The following NXPE2 variants were observed in gnomAD, a reference collection of about 807,000 sequenced individuals.
NXPE2 encodes the protein neurexophilin and PC-esterase domain family member 2, also known as NXPE family member 2.
A neutral mutation model predicts 34.4 loss-of-function variants in NXPE2; 34 were observed. The observed-to-expected ratio is 0.99, with a 90% CI of 0.75 to 1.31. The LOEUF is 1.31. NXPE2 is among the 40% of genes most tolerant of loss of function. The pLI, the probability that NXPE2 is intolerant of heterozygous loss-of-function variation, is 0.00. For synonymous variants in NXPE2, 235 were observed against 231.3 expected (o/e 1.02, Z -0.15); for missense variants, 649 against 672.5 (o/e 0.97, Z 0.39).
At chr11:114,554,164 G>T in the NXPE2 span, 1 of 985,278 alleles carries the variant, frequency 1.0e-6, no homozygotes, top group Non-Finnish European at 1.2e-6. Flanking sequence ...TACAGAGCCC[G>T]CTAGTTGTCT....
chr11:114,572,311 C>A, the NXPE2 span, among the ~76,000 whole-genome samples: 1 of 152,128 alleles, frequency 6.6e-6, no homozygotes, highest in Non-Finnish European at 1.5e-5. Context: ...AAACAAGATT[C>A]TTTAACTCCT....
the NXPE2 span, among the ~76,000 whole-genome samples, chr11:114,469,817 G>T: frequency 2.0e-5 from 3 of 152,006 alleles, no homozygotes; most frequent in South Asian, 2.1e-4. Context: ...AAGTTTCCTC[G>T]TGCCTGTTTA....
the NXPE2 span, among the ~76,000 whole-genome samples, chr11:114,533,242 C>G: frequency 6.6e-6 from 1 of 151,930 alleles, no homozygotes; most frequent in Non-Finnish European, 1.5e-5. Context: ...AGCAAGAAGC[C>G]GAATACAAAA....
At chr11:114,640,237 T>C in the NXPE2 span, among the ~76,000 whole-genome samples, 1 of 141,140 alleles carries the variant, frequency 7.1e-6, no homozygotes, top group African/African-American at 2.6e-5. Flanking sequence ...ATATAAATTA[T>C]ATATTATAAA....
At chr11:114,507,370 C>CGGT in the NXPE2 span, among the ~76,000 whole-genome samples, 5 of 151,928 alleles carry the variant, frequency 3.3e-5, no homozygotes, top group African/African-American at 9.7e-5. Flanking sequence ...GGAGGAGGGA[C>CGGT]TCCTCCCTCA....
upstream of NXPE2, among the ~76,000 whole-genome samples, chr11:114,674,748 TC>T (rs1163817975): frequency 6.6e-6 from 1 of 151,828 alleles, no homozygotes; most frequent in Non-Finnish European, 1.5e-5. Flanking sequence ...TGCCAACTCT[TC>T]CCAAACTCTT....
At chr11:114,728,350 C>T in the NXPE2 span, among the ~76,000 whole-genome samples, 1 of 152,058 alleles carries the variant, frequency 6.6e-6, no homozygotes, top group Non-Finnish European at 1.5e-5. Context: ...ATCATTCTGC[C>T]TTCCACACTA....
intron 1 of NXPE2, among the ~76,000 whole-genome samples, chr11:114,679,255 TG>T (rs1950905295): frequency 7.2e-6 from 1 of 138,544 alleles, no homozygotes. Flanking sequence ...TGCGTGTGTG[TG>T]TGTGTGTGTA....
chr11:114,486,152 T>G, the NXPE2 span, among the ~76,000 whole-genome samples: 28 of 152,282 alleles, frequency 1.8e-4, no homozygotes, highest in Middle Eastern at 3.4e-3. Context: ...CTCACCAGCA[T>G]TTTTTATTGC....
At chr11:114,811,533 A>T in the NXPE2 span, among the ~76,000 whole-genome samples, 3 of 152,172 alleles carry the variant, frequency 2.0e-5, no homozygotes, top group African/African-American at 7.2e-5. Flanking sequence ...CCAAGCATGC[A>T]AAATAGACGG....
chr11:114,506,112 TAA>T, the NXPE2 span, among the ~76,000 whole-genome samples: 10,150 of 134,310 alleles, frequency 0.076, 575 homozygotes, highest in African/African-American at 0.16. Context: ...CAAGAAATAT[TAA>T]AAAAAAAAAA....
chr11:114,563,240 AAATAAGAGGGTG>A, the NXPE2 span, among the ~76,000 whole-genome samples: 1 of 152,130 alleles, frequency 6.6e-6, no homozygotes, highest in Non-Finnish European at 1.5e-5. Flanking sequence ...AGATGAGGGC[AAATAAGAGGGTG>A]AGTCATATTT....
At chr11:114,654,352 T>A in the NXPE2 span, among the ~76,000 whole-genome samples, 3 of 152,062 alleles carry the variant, frequency 2.0e-5, no homozygotes, top group Non-Finnish European at 4.4e-5. Flanking sequence ...ATTTTTTTTT[T>A]ATTTCTTCTA....
the NXPE2 span, among the ~76,000 whole-genome samples, chr11:114,755,736 ATCTCTCTCTCTC>A: frequency 3.4e-5 from 5 of 148,190 alleles, no homozygotes; most frequent in African/African-American, 1.2e-4. Context: ...CTCTTCACCC[ATCTCTCTCTCTC>A]TCTCTCTCTC....
the NXPE2 span, among the ~76,000 whole-genome samples, chr11:114,811,061 C>T: frequency 6.6e-6 from 1 of 151,744 alleles, no homozygotes; most frequent in Non-Finnish European, 1.5e-5. Context: ...TGGAAACCAT[C>T]ATTCTCAGCA....
chr11:114,572,983 A>G, the NXPE2 span, among the ~76,000 whole-genome samples: 1 of 152,192 alleles, frequency 6.6e-6, no homozygotes, highest in African/African-American at 2.4e-5. Flanking sequence ...GTAACCTATA[A>G]AAGAAAACTT....
chr11:114,492,361 T>C, the NXPE2 span, among the ~76,000 whole-genome samples: 5 of 152,112 alleles, frequency 3.3e-5, no homozygotes, highest in Admixed American at 1.3e-4. Context: ...ATACTTGATA[T>C]AATTTCAGTT....
At chr11:114,758,250 C>T in the NXPE2 span, among the ~76,000 whole-genome samples, 124 of 152,218 alleles carry the variant, frequency 8.1e-4, no homozygotes, top group Admixed American at 1.8e-3. Context: ...AGAGTATTGC[C>T]TCTAGATAGC....
At chr11:114,639,093 C>G in the NXPE2 span, among the ~76,000 whole-genome samples, 4 of 151,460 alleles carry the variant, frequency 2.6e-5, no homozygotes, top group African/African-American at 7.3e-5. Context: ...AGGCAGGCAG[C>G]CCTCCTTGAG....
Sources: gnomAD v4.1 joint callset for allele counts (sites outside exome capture counted in the v4.1 genomes callset) on GRCh38, gnomAD v4.1.1 for gene constraint, MANE v1.5 for transcripts, NCBI Gene and HGNC (gene_info 2026-07-23, HGNC 2026-07-21) for gene names.